Variants in CFAP61 observed in about 807,000 individuals in gnomAD.
The protein encoded by CFAP61 is cilia- and flagella-associated protein 61.
Under a neutral mutation model 135.6 loss-of-function variants are expected in CFAP61, and 107 were observed. That is an observed-to-expected ratio of 0.79 (90% CI 0.67 to 0.93). The LOEUF (loss-of-function observed/expected upper bound fraction) is 0.93, where lower values mean the gene tolerates loss of function less well. Among genes scored for constraint, CFAP61 ranks in the 40% least tolerant of loss-of-function variants. CFAP61 has a pLI of 0.00. For missense variants in CFAP61, 1,507 were observed against 1,556.2 expected (o/e 0.97, Z 0.53); for synonymous variants, 575 against 578.5 (o/e 0.99, Z 0.09).
chr20:20,141,109 C>T (rs34448098), intron 8 of CFAP61, among the ~76,000 whole-genome samples: 28,617 of 151,900 alleles, frequency 0.19, 2,983 homozygotes, highest in Non-Finnish European at 0.24. Context: ...TAAGTAGAGA[C>T]GAAGTTTCAT....
intron 7 of CFAP61, among the ~76,000 whole-genome samples, chr20:20,095,930 G>T (rs1020513940): frequency 1.3e-5 from 2 of 152,148 alleles, no homozygotes; most frequent in African/African-American, 4.8e-5. Flanking sequence ...GACCTGTTTG[G>T]GAAGACAAGG....
intron 2 of CFAP61, among the ~76,000 whole-genome samples, chr20:20,064,105 G>A (rs57329719): frequency 6.8e-6 from 1 of 147,308 alleles, no homozygotes; most frequent in Non-Finnish European, 1.5e-5. Context: ...ACTGAGGATG[G>A]TACCACATCC....
chr20:20,183,736 C>G (rs972078989), intron 13 of CFAP61, among the ~76,000 whole-genome samples: 1 of 152,080 alleles, frequency 6.6e-6, no homozygotes, highest in African/African-American at 2.4e-5. Flanking sequence ...CTTTATGTTA[C>G]TTTTTTGTAC....
chr20:20,231,331 G>A (rs896256234), intron 18 of CFAP61, among the ~76,000 whole-genome samples: 2 of 152,138 alleles, frequency 1.3e-5, no homozygotes, highest in African/African-American at 4.8e-5. Flanking sequence ...CTTCCTAGGA[G>A]GAGCCTGTTG....
intron 18 of CFAP61, among the ~76,000 whole-genome samples, chr20:20,241,785 CATT>C (rs1011901678): frequency 4.6e-5 from 7 of 151,810 alleles, no homozygotes; most frequent in South Asian, 2.1e-4. Context: ...AGTATAAACA[CATT>C]ATTATTATTA....
chr20:20,355,276 G>T (rs534794237), intron 26 of CFAP61, among the ~76,000 whole-genome samples: 38 of 145,212 alleles, frequency 2.6e-4, no homozygotes, highest in Admixed American at 2.5e-3. Flanking sequence ...ACTGTGAGGG[G>T]TGGTCACACT....
intron 22 of CFAP61, among the ~76,000 whole-genome samples, chr20:20,281,980 T>G (rs917091858): frequency 3.9e-5 from 6 of 152,222 alleles, no homozygotes; most frequent in African/African-American, 1.4e-4. Flanking sequence ...TTCTATAAAT[T>G]TTTGTAAGTT....
intron 6 of CFAP61, among the ~76,000 whole-genome samples, chr20:20,088,242 G>A (rs1453304106): frequency 6.6e-6 from 1 of 152,204 alleles, no homozygotes; most frequent in African/African-American, 2.4e-5. Flanking sequence ...GCCTGGTTAA[G>A]GACCCTTTGC....
chr20:20,325,385 C>T (rs531529700), intron 25 of CFAP61, among the ~76,000 whole-genome samples: 5 of 152,296 alleles, frequency 3.3e-5, no homozygotes, highest in Non-Finnish European at 5.9e-5. Flanking sequence ...TGTGCCTACT[C>T]GTGCCTTCCT....
intron 8 of CFAP61, among the ~76,000 whole-genome samples, chr20:20,118,289 CTTTCTTTCTTTCTTTCT>C (rs1395597293): frequency 9.4e-5 from 10 of 106,836 alleles, no homozygotes; most frequent in African/African-American, 1.5e-4. Context: ...TTCTTTCTTT[CTTTCTTTCTTTCTTTCT>C]TTTCTTTCTT....
chr20:20,294,493 T>G (rs1403723124), intron 24 of CFAP61, among the ~76,000 whole-genome samples: 2 of 152,230 alleles, frequency 1.3e-5, no homozygotes, highest in Non-Finnish European at 2.9e-5. Context: ...CAGCCATCAG[T>G]GCAACCTCCT....
intron 26 of CFAP61, among the ~76,000 whole-genome samples, chr20:20,352,370 C>T (rs944722214): frequency 6.6e-6 from 1 of 152,184 alleles, no homozygotes; most frequent in African/African-American, 2.4e-5. Flanking sequence ...CATAGTTCGC[C>T]CCCATGATCC....
intron 17 of CFAP61, chr20:20,225,418 T>G (rs16981717): frequency 0.07 from 10,636 of 152,254 alleles, 1,189 homozygotes; most frequent in East Asian, 0.54. Flanking sequence ...TTGGTACTGG[T>G]TGCCTGCTCT....
Position 20,359,931 on chromosome 20 carries a change from C to A in CFAP61, c.3514-279C>A, listed in dbSNP as rs1445836336. Among the ~76,000 whole-genome samples the A allele has an allele frequency of 1.3e-5, 2 of 152,162 alleles. No individual in the cohort carries two copies. Among genetic ancestry groups the A allele is most frequent in the African/African-American group, 4.8e-5 (2 of 41,420 alleles). The stretch of plus-strand genomic sequence containing the variant: ...CTGGTGTTTAATGGAGACAGCGTTT[C>A]AGCTGACGAAGATGAGAAAGTCCTG... On this transcript the variant is annotated intron_variant, in intron 26 of 26. Transcript: ENST00000245957. The surrounding 1 kb of genome is among the most constrained non-coding windows in gnomAD (Gnocchi z 4.0).
chr20:20,273,762 G>C (rs2147035388), intron 21 of CFAP61, among the ~76,000 whole-genome samples: 1 of 152,330 alleles, frequency 6.6e-6, no homozygotes, highest in East Asian at 1.9e-4. Context: ...GCTGTAGCCT[G>C]GCTGCGTAGG....
At chr20:20,327,947 C>T (rs1461363722) in intron 25 of CFAP61, among the ~76,000 whole-genome samples, 4 of 152,140 alleles carry the variant, frequency 2.6e-5, no homozygotes, top group African/African-American at 4.8e-5. Context: ...TCATCTGCCC[C>T]GGGTGAGCAC....
rs1050006916 is a variant in CFAP61 at position 20,118,331 on chromosome 20, T to C, written c.859+19517T>C. Reference sequence around the variant, plus strand: ...TTTTCTTTCTTTCTGTCTCTCTCTCTGTCTTTCTTCTTCTTTTTTTTTTTT... The same window carrying C: ...TTTTCTTTCTTTCTGTCTCTCTCTCCGTCTTTCTTCTTCTTTTTTTTTTTT... On this transcript the variant is annotated intron_variant, in intron 8 of 26. Coordinates refer to ENST00000245957, the MANE Select transcript of CFAP61 (RefSeq NM_015585.4). 1.2e-4 allele frequency among the ~76,000 whole-genome samples: 18 copies of C among 149,244 alleles called. 2 individuals carry two copies. Among genetic ancestry groups the C allele is most frequent in the Admixed American group, 1.0e-3 (15 of 14,788 alleles).
intron 17 of CFAP61, among the ~76,000 whole-genome samples, chr20:20,223,578 C>T (rs527719217): frequency 5.3e-5 from 8 of 152,214 alleles, no homozygotes; most frequent in Admixed American, 2.6e-4. Context: ...TAGTAACTCC[C>T]GATTTTGAAT....
intron 20 of CFAP61, among the ~76,000 whole-genome samples, chr20:20,262,061 G>T (rs1178769090): frequency 6.6e-6 from 1 of 152,104 alleles, no homozygotes; most frequent in African/African-American, 2.4e-5. Flanking sequence ...TTTCTGCCTA[G>T]CCCCTCTATA....
Sources: gnomAD v4.1 joint callset for allele counts (sites outside exome capture counted in the v4.1 genomes callset) on GRCh38, gnomAD v4.1.1 for gene constraint, Gnocchi (gnomAD v3.1) non-coding constraint, MANE v1.5 for transcripts, NCBI Gene and HGNC (gene_info 2026-07-23, HGNC 2026-07-21) for gene names.